Variants in OVGP1 observed in about 807,000 individuals in gnomAD.
OVGP1 encodes the protein oviductal glycoprotein 1, also known as oviduct-specific glycoprotein.
Under a neutral mutation model 48.2 loss-of-function variants are expected in OVGP1, and 26 were observed. That is an observed-to-expected ratio of 0.54 (90% confidence interval 0.40 to 0.75). OVGP1 has a LOEUF of 0.75. OVGP1 is among the 30% of genes least tolerant of loss of function. OVGP1 has a pLI of 0.00. For synonymous variants in OVGP1, 294 were observed against 305.7 expected, an observed-to-expected ratio of 0.96 and a Z score of 0.40; for missense variants, 791 against 820.6, an observed-to-expected ratio of 0.96 and a Z score of 0.44.
At chr1:111,426,666 T>C in intron 2 of OVGP1, 25 bp from the exon 3 acceptor site, 2 of 1,609,200 alleles carry the variant, frequency 1.2e-6, no homozygotes, top group Non-Finnish European at 1.7e-6. Context: ...CACACATTAG[T>C]TGGCAAAAAC....
rs201373613 is a variant in OVGP1 at position 111,421,295 on chromosome 1, C to A, written c.884G>T (p.Gly295Val). 10 of 1,607,654 alleles carry A rather than the reference C, an allele frequency of 6.2e-6. No homozygotes were observed. Among genetic ancestry groups the A allele is most frequent in the Non-Finnish European group, 7.6e-6 (9 of 1,177,610 alleles). ...CATCACCTCAAAATAAGCCAAGAAG[C>A]CTTCTTGCTTGGTGTACTTCCCTGG... Reference protein sequence around the residue: ...ASPGKYTKQEGFLAYFEICSF... With the variant: ...ASPGKYTKQEVFLAYFEICSF... Residue 295 changes from glycine to valine, a missense_variant, in exon 8 of 11, where the codon GGC (glycine) becomes GTC (valine). Gly to Val is a moderately radical substitution (Grantham distance 109). Coordinates refer to ENST00000369732, the MANE Select transcript of OVGP1 (RefSeq NM_002557.4).
At position 111,427,080 on chromosome 1, in the gene OVGP1, C is replaced by A. The variant is rs1652418153; in HGVS notation, c.37G>T (p.Val13Leu). ...KLLLWVGLVL[V>L]LKHHDGAAHK... ...TCCTTACCATCGTGGTGTTTCAGCA[C>A]AAGAACCAGCCCTGTGAGAAACAAA... The change falls in exon 2 of 11, where the codon GTG (valine) becomes TTG (leucine). Residue 13 changes from valine (V) to leucine (L), a missense_variant. Val to Leu is a conservative substitution (Grantham distance 32, BLOSUM62 1). Coordinates refer to ENST00000369732, the MANE Select transcript of OVGP1 (RefSeq NM_002557.4). 1 of 1,614,124 alleles carries A rather than the reference C, an allele frequency of 6.2e-7. No individual in the cohort carries two copies. Among genetic ancestry groups the A allele is most frequent in the East Asian group, 2.2e-5 (1 of 44,872 alleles).
chr1:111,416,374 T>C lies in OVGP1; in HGVS notation c.1105A>G (p.Thr369Ala). The C allele has an allele frequency of 6.2e-7, 1 of 1,608,726 alleles. No homozygotes were observed. The highest frequency in any genetic ancestry group is 1.1e-5 in the South Asian group (1 of 89,308). ...MDDVRGTFCG[T>A]GPFPLVYVLN... Reference sequence around the variant, plus strand: ...ACGTAGACAAGGGGGAAAGGGCCAGTGCCACAGAACGTGCCCCTGACGTCA... The same window carrying C: ...ACGTAGACAAGGGGGAAAGGGCCAGCGCCACAGAACGTGCCCCTGACGTCA... The change falls in exon 10 of 11, where the codon ACT becomes GCT. Residue 369 changes from threonine (T) to alanine (A), a missense_variant. Coordinates refer to ENST00000369732, the MANE Select transcript of OVGP1 (RefSeq NM_002557.4).
Position 111,415,307 on chromosome 1 carries a change from T to C in OVGP1, c.1194A>G (p.Ser398=), listed in dbSNP as rs1256221465. 5 of 1,612,730 alleles carry C rather than the reference T, an allele frequency of 3.1e-6. No homozygotes were observed. The highest frequency in any genetic ancestry group is 1.1e-5 in the South Asian group (1 of 91,020). The part of the protein sequence containing the change: ...SSTSLPQFWL[S]SAVNSSSTDP... ...CAGTGCTTGAAGAATTCACAGCAGATGACAGCCAAAATTGTGGTAAAGAAG... is the reference window on the plus strand; with the variant it reads ...CAGTGCTTGAAGAATTCACAGCAGACGACAGCCAAAATTGTGGTAAAGAAG... The change falls in exon 11 of 11, where the codon TCA becomes TCG. Residue 398 remains serine, a synonymous_variant. Coordinates refer to ENST00000369732, the MANE Select transcript of OVGP1 (RefSeq NM_002557.4).
rs1244925891 is a variant in OVGP1 at position 111,425,389 on chromosome 1, G to T, written c.311C>A (p.Thr104Asn). 6 of 1,613,744 alleles carry T rather than the reference G, an allele frequency of 3.7e-6. No individual in the cohort carries two copies. Among genetic ancestry groups the T allele is most frequent in the Non-Finnish European group, 5.1e-6 (6 of 1,179,860 alleles). Reference protein sequence around the residue: ...LLSIGGWNFGTSRFTTMLSTF... With the variant: ...LLSIGGWNFGNSRFTTMLSTF... ...AATAACAGCAAAGTCTCACCTTGAG[G>T]TGCCAAAGTTCCACCCGCCGATGGA... Residue 104 changes from threonine to asparagine, a missense_variant, in exon 4 of 11, where the codon ACC becomes AAC. Coordinates refer to ENST00000369732, the MANE Select transcript of OVGP1 (RefSeq NM_002557.4).
At chr1:111,427,174 AG>A in intron 1 of OVGP1, 83 bp from the exon 2 acceptor site, 1 of 1,604,330 alleles carries the variant, frequency 6.2e-7, no homozygotes, top group Non-Finnish European at 8.5e-7. Flanking sequence ...CTGATTAGCA[AG>A]GGTGCCCACC....
At position 111,425,419 on chromosome 1, in the gene OVGP1, AGT is replaced by A. The variant is rs774252767; in HGVS notation, c.279_280del (p.Leu94ThrfsTer24). ...AAAGTTCCACCCGCCGATGGACAGT[AGT>A]GTTTTCAGCTCTCTGTTCCTATGAT... is the stretch of plus-strand genomic sequence containing the variant. On this transcript the variant is annotated frameshift_variant, in exon 4 of 11. Coordinates refer to ENST00000369732, the MANE Select transcript of OVGP1 (RefSeq NM_002557.4). LOFTEE classifies it high-confidence loss of function. The A allele has an allele frequency of 1.1e-5, 17 of 1,614,058 alleles. No individual in the cohort carries two copies. In the South Asian group the frequency reaches 1.9e-4, roughly 18 times the overall value.
rs1553192344 is a variant in OVGP1, at chr1:111,414,903, G to GTCAGGGTCTTTTCCCCAGGGC, written c.1597_1598insGCCCTGGGGAAAAGACCCTGA (p.Val532_Thr533insSerProGlyGluLysThrLeu). The GTCAGGGTCTTTTCCCCAGGGC allele has an allele frequency of 1.3e-6, 1 of 758,476 alleles. No homozygotes were observed. The highest frequency in any genetic ancestry group is 2.9e-5 in the African/African-American group (1 of 34,766). 47.0% of individuals were successfully genotyped at this position (758,476 alleles called of 1,614,324 possible). On this transcript the variant is annotated inframe_insertion, in exon 11 of 11. Transcript: ENST00000369732. ...GCTCACAGACTGATGACTCACAGGG[G>GTCAGGGTCTTTTCCCCAGGGC]TCACAGACTGATGACCCACAGGGGT...
Position 111,427,563 on chromosome 1 carries a change from G to A in OVGP1, c.25+134C>T, listed in dbSNP as rs183295903. The A allele has an allele frequency of 2.0e-3, 2,332 of 1,156,440 alleles. 5 individuals are homozygous for A. The highest frequency in any genetic ancestry group is 2.7e-3 in the Non-Finnish European group (2,142 of 785,394). The allele number at this position is 1,156,440 out of a possible 1,614,324, so 71.6% of individuals were successfully genotyped here. On this transcript the variant is annotated intron_variant, in intron 1 of 10. Coordinates refer to ENST00000369732, the MANE Select transcript of OVGP1 (RefSeq NM_002557.4). The stretch of plus-strand genomic sequence containing the variant: ...CCTCTGACCTCTGACCATTAACTAT[G>A]GCCCATCCCATCTCTACCTAATCTA...
At chr1:111,418,475 G>A (rs919368097) in intron 9 of OVGP1, among the ~76,000 whole-genome samples, 6 of 152,194 alleles carry the variant, frequency 3.9e-5, no homozygotes, top group African/African-American at 1.4e-4. Context: ...GAGGAGCTAC[G>A]CAGTGAATCT....
intron 1 of OVGP1, 67 bp from the exon 2 acceptor site, chr1:111,427,158 C>T: frequency 6.2e-7 from 1 of 1,610,880 alleles, no homozygotes; most frequent in Non-Finnish European, 8.5e-7. Flanking sequence ...TGGCACAGCA[C>T]ACCCTCTGAT....
At position 111,423,677 on chromosome 1, in the gene OVGP1, G is replaced by GAAGCAAAAAAT; in HGVS notation, c.348_349insATTTTTTGCTT (p.Arg117IlefsTer16). 1 of 1,614,078 alleles carries GAAGCAAAAAAT rather than the reference G, an allele frequency of 6.2e-7. No homozygotes were observed. Among genetic ancestry groups the GAAGCAAAAAAT allele is most frequent in the South Asian group, 1.1e-5 (1 of 91,080 alleles). ...ATAACTGAAGCAATAAACTTTTCAC[G>GAAGCAAAAAAT]GTTGGCAAATGTGGACAACATAGTG... On this transcript the variant is annotated frameshift_variant, in exon 5 of 11. Transcript: ENST00000369732. LOFTEE classifies it high-confidence loss of function.
chr1:111,414,642 AT>A lies in OVGP1; in HGVS notation c.1858del (p.Met620Ter). The A allele has an allele frequency of 6.2e-7, 1 of 1,614,226 alleles. No homozygotes were observed. Among genetic ancestry groups the A allele is most frequent in the African/African-American group, 1.3e-5 (1 of 75,062 alleles). Reference sequence around the variant, plus strand: ...GATGACGGGGCTGGAGGACAGCATCATCCTGTTTTCAGCTTCCATCTGAAGA... The same window carrying A: ...GATGACGGGGCTGGAGGACAGCATCACCTGTTTTCAGCTTCCATCTGAAGA... ...LGLQMEAENR[M>X]MLSSSPVIQL... On this transcript the variant is annotated frameshift_variant, in exon 11 of 11. Coordinates refer to ENST00000369732, the MANE Select transcript of OVGP1 (RefSeq NM_002557.4). LOFTEE classifies it low-confidence loss of function (END_TRUNC).
Position 111,421,270 on chromosome 1 carries a change from C to T in OVGP1, c.903+6G>A. On this transcript the variant is annotated splice_donor_region_variant and intron_variant, in intron 8 of 10. Transcript: ENST00000369732. ...ACTGCTAGACAGAGACTGATATTCC[C>T]ATCACCTCAAAATAAGCCAAGAAGC... 6.3e-7 allele frequency: 1 copy of T among 1,593,952 alleles called. No homozygotes were observed. Among genetic ancestry groups the T allele is most frequent in the Non-Finnish European group, 8.5e-7 (1 of 1,170,710 alleles).
Position 111,421,263 on chromosome 1 carries a change from A to G in OVGP1, c.903+13T>C. 2 of 1,588,994 alleles carry G rather than the reference A, an allele frequency of 1.3e-6. No individual in the cohort carries two copies. Among genetic ancestry groups the G allele is most frequent in the Non-Finnish European group, 1.7e-6 (2 of 1,168,188 alleles). On this transcript the variant is annotated intron_variant, in intron 8 of 10. Coordinates refer to ENST00000369732, the MANE Select transcript of OVGP1 (RefSeq NM_002557.4). ...AGTCCTAACTGCTAGACAGAGACTG[A>G]TATTCCCATCACCTCAAAATAAGCC... is the stretch of plus-strand genomic sequence containing the variant.
At chr1:111,426,740 A>G in intron 2 of OVGP1, 99 bp from the exon 3 acceptor site, 1 of 1,552,198 alleles carries the variant, frequency 6.4e-7, no homozygotes, top group Non-Finnish European at 8.7e-7. Flanking sequence ...AGACCAGGCC[A>G]CATTTTCACA....
Position 111,422,827 on chromosome 1 carries a change from C to T in OVGP1, c.608+100G>A, listed in dbSNP as rs565595720. 3.1e-5 allele frequency: 44 copies of T among 1,415,948 alleles called. No homozygotes were observed. The South Asian group carries it at 3.6e-4, about 12-fold the overall frequency. 87.7% of individuals were successfully genotyped at this position (1,415,948 alleles called of 1,614,324 possible). A position where few individuals can be genotyped will look rare whatever the true frequency, so the allele number is the denominator to read the frequency against. On this transcript the variant is annotated intron_variant, in intron 6 of 10. Coordinates refer to ENST00000369732, the MANE Select transcript of OVGP1 (RefSeq NM_002557.4). ...TTGCACTGACGTCAGGGCAGGCACA[C>T]GGTGAGCTCAAAAACAGTGCTTGGG... is the stretch of plus-strand genomic sequence containing the variant.
chr1:111,415,951 A>G (rs1264656822), intron 10 of OVGP1, among the ~76,000 whole-genome samples: 1 of 152,200 alleles, frequency 6.6e-6, no homozygotes, highest in Non-Finnish European at 1.5e-5. Flanking sequence ...AGCCTCTACT[A>G]TCAAAAAGAG....
chr1:111,421,462 C>CT lies in OVGP1; in HGVS notation c.718-2dup. 1 of 1,610,044 alleles carries CT rather than the reference C, an allele frequency of 6.2e-7. No individual in the cohort carries two copies. Among genetic ancestry groups the CT allele is most frequent in the Non-Finnish European group, 8.5e-7 (1 of 1,178,222 alleles). On this transcript the variant is annotated splice_acceptor_variant, in intron 7 of 10. Coordinates refer to ENST00000369732, the MANE Select transcript of OVGP1 (RefSeq NM_002557.4). LOFTEE classifies it high-confidence loss of function. ...TTCTCCAATAATTCATAGCATATGC[C>CT]TGCAGGTAAGAAGAATCCAGACTCC...
Sources: gnomAD v4.1 joint callset for allele counts (sites outside exome capture counted in the v4.1 genomes callset) on GRCh38, gnomAD v4.1.1 for gene constraint, MANE v1.5 for transcripts, NCBI Gene and HGNC (gene_info 2026-07-23, HGNC 2026-07-21) for gene names.